GRB10: variants seen among roughly 807,000 people sequenced by gnomAD.
GRB10 encodes growth factor receptor-bound protein 10.
Under a neutral mutation model 80.9 loss-of-function variants are expected in GRB10, and 20 were observed. The ratio of observed to expected loss-of-function variants is 0.25; its 90% CI spans 0.17 to 0.36. The LOEUF (loss-of-function observed/expected upper bound fraction) is 0.36. Among genes scored for constraint, GRB10 ranks in the 10% least tolerant of loss-of-function variants. GRB10 has a pLI of 1.00. For synonymous variants in GRB10, 291 were observed against 291.5 expected (o/e 1.00, Z 0.02); for missense variants, 548 against 747.7 (o/e 0.73, Z 3.12).
chr7:50,686,251 T>A (rs999936341), intron 5 of GRB10, among the ~76,000 whole-genome samples: 1 of 152,034 alleles, frequency 6.6e-6, no homozygotes, highest in African/African-American at 2.4e-5. Flanking sequence ...CCTTCCCCAT[T>A]CCACCATGTG....
At chr7:50,669,589 C>G (rs1460256844) in intron 7 of GRB10, 133 bp downstream of exon 7, 6 of 871,072 alleles carry the variant, frequency 6.9e-6, no homozygotes, top group Non-Finnish European at 1.1e-5. Flanking sequence ...ACTGTGACAA[C>G]AAGAAAAGAA....
At chr7:50,724,826 G>A (rs1417837096) in intron 4 of GRB10, among the ~76,000 whole-genome samples, 1 of 152,124 alleles carries the variant, frequency 6.6e-6, no homozygotes, top group Non-Finnish European at 1.5e-5. Flanking sequence ...GTTACAGGAG[G>A]CCCATCTTCT....
chr7:50,709,140 T>TCAGAA (rs1242378966), intron 4 of GRB10, among the ~76,000 whole-genome samples: 1 of 152,166 alleles, frequency 6.6e-6, no homozygotes, highest in Admixed American at 6.5e-5. Context: ...CTTGCCAAAG[T>TCAGAA]CAGAACAAGC....
chr7:50,765,409 G>A lies in GRB10; in HGVS notation c.-216-9353C>T, dbSNP rs564348070. 1.2e-4 allele frequency among the ~76,000 whole-genome samples: 18 copies of A among 152,296 alleles called. No homozygotes were observed. In the East Asian group the frequency reaches 2.9e-3, roughly 24 times the overall value. ...TTCACAATAGCCAAGATATGGAATC[G>A]ATCTAAGTGTCCAACAACAATGAAC... On this transcript the variant is annotated intron_variant, in intron 2 of 18. Transcript: ENST00000401949.
rs1236627618 is a variant in GRB10, at chr7:50,644,613, T to C, written c.505-17635A>G. Among the ~76,000 whole-genome samples, 13 of 152,318 alleles carry C rather than the reference T, an allele frequency of 8.5e-5. No homozygotes were observed. The East Asian group carries it at 2.5e-3, about 29-fold the overall frequency. On this transcript the variant is annotated intron_variant, in intron 7 of 18. Coordinates refer to ENST00000401949, the MANE Select transcript of GRB10 (RefSeq NM_001350814.2). ...AAAAACTCTCACCTGAGACCATCAG[T>C]AAGCAGGACAGGTCTAACTGTGATT...
intron 7 of GRB10, among the ~76,000 whole-genome samples, chr7:50,661,531 T>C (rs2059272195): frequency 6.6e-6 from 1 of 152,222 alleles, no homozygotes; most frequent in African/African-American, 2.4e-5. Flanking sequence ...AGTTCATAAA[T>C]AAACAAGTTC....
At chr7:50,769,086 C>T (rs2076692894) in intron 2 of GRB10, among the ~76,000 whole-genome samples, 2 of 152,192 alleles carry the variant, frequency 1.3e-5, no homozygotes, top group Non-Finnish European at 2.9e-5. Context: ...ATCCACTACT[C>T]CCCATGAGAA....
chr7:50,760,647 G>A (rs1241631625), intron 2 of GRB10, among the ~76,000 whole-genome samples: 1 of 152,204 alleles, frequency 6.6e-6, no homozygotes, highest in Admixed American at 6.5e-5. Flanking sequence ...AGTTAAAATA[G>A]TGTGTACTTG....
At chr7:50,654,917 C>T (rs922460443) in intron 7 of GRB10, among the ~76,000 whole-genome samples, 2 of 152,130 alleles carry the variant, frequency 1.3e-5, no homozygotes, top group Non-Finnish European at 2.9e-5. Context: ...AATTTACAGA[C>T]CTCATCCAAA....
At chr7:50,753,033 C>T (rs1381018145) in intron 3 of GRB10, among the ~76,000 whole-genome samples, 3 of 152,158 alleles carry the variant, frequency 2.0e-5, no homozygotes, top group African/African-American at 7.2e-5. Flanking sequence ...ACAGGGCTGG[C>T]TCTTAGAGGC....
At chr7:50,762,969 T>A (rs774030762) in intron 2 of GRB10, among the ~76,000 whole-genome samples, 57 of 152,060 alleles carry the variant, frequency 3.7e-4, no homozygotes, top group Non-Finnish European at 7.7e-4. Context: ...TACAAAAAAA[T>A]TAGCTGAGCA....
chr7:50,628,768 G>A lies in GRB10; in HGVS notation c.505-1790C>T, dbSNP rs1314358369. ...GGCTGGGGCTGGATCAGGACCCAGA[G>A]ACTTGTTTTCAACTCTTATTTATTT... On this transcript the variant is annotated intron_variant, in intron 7 of 18. Transcript: ENST00000401949. Among the ~76,000 whole-genome samples the A allele has an allele frequency of 3.5e-4, 53 of 152,288 alleles. 1 individual carries two copies. Among genetic ancestry groups the A allele is most frequent in the Admixed American group, 3.3e-3 (50 of 15,302 alleles).
chr7:50,649,932 G>T (rs1004612859), intron 7 of GRB10, among the ~76,000 whole-genome samples: 1 of 152,210 alleles, frequency 6.6e-6, no homozygotes, highest in Non-Finnish European at 1.5e-5. Flanking sequence ...CCCAAGTGAA[G>T]ACGGAGGGTA....
chr7:50,642,787 A>G (rs1294137119), intron 7 of GRB10, among the ~76,000 whole-genome samples: 2 of 152,236 alleles, frequency 1.3e-5, no homozygotes, highest in African/African-American at 2.4e-5. Flanking sequence ...ACATACATAC[A>G]TTAGTTTTCT....
chr7:50,774,906 G>A (rs188016770), intron 2 of GRB10, among the ~76,000 whole-genome samples: 10 of 151,906 alleles, frequency 6.6e-5, no homozygotes, highest in East Asian at 1.9e-4. Context: ...CACTGTCGGA[G>A]GTTGAGGCGG....
At chr7:50,695,499 C>A (rs866115403) in intron 5 of GRB10, among the ~76,000 whole-genome samples, 1 of 152,110 alleles carries the variant, frequency 6.6e-6, no homozygotes, top group Non-Finnish European at 1.5e-5. Context: ...TATAACGCAA[C>A]CTTTACTGAC....
intron 4 of GRB10, among the ~76,000 whole-genome samples, chr7:50,717,204 C>T (rs1370311541): frequency 6.6e-6 from 1 of 151,774 alleles, no homozygotes; most frequent in Non-Finnish European, 1.5e-5. Context: ...AGCCTAACAA[C>T]TGCAAGGGGG....
At chr7:50,674,979 G>A (rs774170538) in intron 5 of GRB10, among the ~76,000 whole-genome samples, 17 of 152,072 alleles carry the variant, frequency 1.1e-4, no homozygotes, top group Non-Finnish European at 2.9e-5. Context: ...CCTCCGGTAG[G>A]CCGCACACAG....
chr7:50,705,730 C>CCA (rs1420030898), intron 4 of GRB10, among the ~76,000 whole-genome samples: 1 of 152,170 alleles, frequency 6.6e-6, no homozygotes, highest in Admixed American at 6.5e-5. Flanking sequence ...CTAGTGTACC[C>CCA]CACCAAGTAG....
Sources: allele counts gnomAD v4.1 joint callset (sites outside exome capture counted in the v4.1 genomes callset), GRCh38; gene constraint gnomAD v4.1.1; transcripts MANE v1.5; gene names NCBI Gene and HGNC (gene_info 2026-07-23, HGNC 2026-07-21).